The following ST8SIA1 variants were observed in gnomAD, a reference collection of about 807,000 sequenced individuals.
ST8SIA1 encodes the protein ST8 alpha-N-acetyl-neuraminide alpha-2,8-sialyltransferase 1, also known as alpha-N-acetylneuraminide alpha-2,8-sialyltransferase.
ST8SIA1 carries 16 observed loss-of-function variants against 35.9 expected under a neutral mutation model. The ratio of observed to expected loss-of-function variants is 0.45; its 90% CI spans 0.30 to 0.68. The LOEUF is 0.68. Ranked by LOEUF, ST8SIA1 falls within the 30% of genes least tolerant of loss-of-function variation. ST8SIA1 has a pLI of 0.09. For missense variants in ST8SIA1, 383 were observed against 453.6 expected (o/e 0.84, Z 1.41); for synonymous variants, 170 against 169.6 (o/e 1.00, Z -0.02).
rs866202299 is a variant in ST8SIA1, at chr12:22,234,273, G to T, written c.584+14733C>A. On this transcript the variant is annotated intron_variant, in intron 4 of 4. Coordinates refer to ENST00000396037, the MANE Select transcript of ST8SIA1 (RefSeq NM_003034.4). ...AAACTCTGTCTCAAAAAAAAAAAAA[G>T]ATATTATTTACTAACTATAAAGAAA... Among the ~76,000 whole-genome samples, 176 of 142,660 alleles carry T rather than the reference G, an allele frequency of 1.2e-3. 1 individual carries two copies. Among genetic ancestry groups the T allele is most frequent in the African/African-American group, 4.4e-3 (170 of 39,014 alleles). 93.6% of individuals were successfully genotyped at this position (142,660 alleles called of 152,430 possible).
At chr12:22,210,748 G>A (rs1865167798) in intron 4 of ST8SIA1, among the ~76,000 whole-genome samples, 1 of 152,218 alleles carries the variant, frequency 6.6e-6, no homozygotes, top group South Asian at 2.1e-4. Context: ...GTTAAATTAA[G>A]TTTAGTCTAA....
chr12:22,232,127 G>T (rs1158693053), intron 4 of ST8SIA1, among the ~76,000 whole-genome samples: 2 of 152,098 alleles, frequency 1.3e-5, no homozygotes, highest in Non-Finnish European at 2.9e-5. Context: ...GCTGGCAAGG[G>T]GGAAACGTGA....
chr12:22,311,984 T>C (rs1866454804), intron 1 of ST8SIA1, among the ~76,000 whole-genome samples: 1 of 152,158 alleles, frequency 6.6e-6, no homozygotes, highest in Non-Finnish European at 1.5e-5. Flanking sequence ...ACTTTTTCTC[T>C]GGTGCTCCTT....
chr12:22,202,426 G>T lies in ST8SIA1; in HGVS notation c.585-388C>A, dbSNP rs187456262. ...GGTGGTCTAACATAACCACAAGACT[G>T]GTTTCTTCATCTGCAAATCAAAGGA... On this transcript the variant is annotated intron_variant, in intron 4 of 4. Coordinates refer to ENST00000396037, the MANE Select transcript of ST8SIA1 (RefSeq NM_003034.4). Among the ~76,000 whole-genome samples, 3 of 152,234 alleles carry T rather than the reference G, an allele frequency of 2.0e-5. No individual in the cohort carries two copies. The East Asian group carries it at 5.8e-4, about 29-fold the overall frequency.
chr12:22,251,482 T>C (rs1865669023), intron 3 of ST8SIA1, among the ~76,000 whole-genome samples: 1 of 152,188 alleles, frequency 6.6e-6, no homozygotes, highest in Non-Finnish European at 1.5e-5. Context: ...TGACAATACA[T>C]TTTGGTGTAA....
chr12:22,307,403 C>T lies in ST8SIA1; in HGVS notation c.237-20110G>A, dbSNP rs1365797419. 5.3e-5 allele frequency among the ~76,000 whole-genome samples: 8 copies of T among 152,202 alleles called. No homozygotes were observed. In the East Asian group the frequency reaches 1.4e-3, roughly 26 times the overall value. ...GCCTAGTTGCTAACATTCTGCCAGC[C>T]GGGTGATAAGATGGTCTGAGGTCTC... On this transcript the variant is annotated intron_variant, in intron 1 of 4. Transcript: ENST00000396037.
intron 2 of ST8SIA1, among the ~76,000 whole-genome samples, chr12:22,258,423 G>T (rs182659458): frequency 1.2e-4 from 19 of 152,076 alleles, no homozygotes; most frequent in Admixed American, 4.6e-4. Context: ...CAGGAGACTG[G>T]ATGGTGAATG....
intron 2 of ST8SIA1, among the ~76,000 whole-genome samples, chr12:22,276,707 G>T (rs1865972972): frequency 6.6e-6 from 1 of 152,120 alleles, no homozygotes; most frequent in African/African-American, 2.4e-5. Context: ...TGAGCAGTAG[G>T]GATAGAAGGT....
chr12:22,208,135 C>CAAAAAA (rs71053390), intron 4 of ST8SIA1, among the ~76,000 whole-genome samples: 1 of 97,812 alleles, frequency 1.0e-5, no homozygotes, highest in Non-Finnish European at 2.1e-5. Flanking sequence ...GTCTGTCTCA[C>CAAAAAA]AAAAAAAAAA....
At chr12:22,293,739 A>G (rs1866209564) in intron 1 of ST8SIA1, among the ~76,000 whole-genome samples, 1 of 152,176 alleles carries the variant, frequency 6.6e-6, no homozygotes, top group African/African-American at 2.4e-5. Flanking sequence ...TCAGTTTATA[A>G]ATTTTTTCTG....
rs376794613 is a variant in ST8SIA1, at chr12:22,332,051, G to A, written c.236+1946C>T. The stretch of plus-strand genomic sequence containing the variant: ...TATACTAACTTGCCAAAGATTCTCT[G>A]CTGTTTATCTAGTCACAGCATACTC... On this transcript the variant is annotated intron_variant, in intron 1 of 4. Transcript: ENST00000396037. Among the ~76,000 whole-genome samples the A allele has an allele frequency of 1.4e-3, 212 of 152,282 alleles. 2 individuals carry two copies. Among genetic ancestry groups the A allele is most frequent in the African/African-American group, 5.0e-3 (208 of 41,560 alleles).
At chr12:22,286,023 G>A (rs1028234282) in intron 2 of ST8SIA1, among the ~76,000 whole-genome samples, 5 of 152,074 alleles carry the variant, frequency 3.3e-5, no homozygotes, top group Admixed American at 3.3e-4. Flanking sequence ...AATCATCCAA[G>A]GAATTTAGTT....
chr12:22,326,725 A>C (rs567197105), intron 1 of ST8SIA1, among the ~76,000 whole-genome samples: 24 of 152,338 alleles, frequency 1.6e-4, no homozygotes, highest in African/African-American at 5.3e-4. Context: ...AAACCTATGA[A>C]GTAGATTAGC....
intron 1 of ST8SIA1, among the ~76,000 whole-genome samples, chr12:22,307,091 G>GT (rs1866393912): frequency 6.6e-6 from 1 of 151,868 alleles, no homozygotes; most frequent in South Asian, 2.1e-4. Flanking sequence ...TGTTTTCTGT[G>GT]TTTTTTCTAA....
chr12:22,246,444 T>C (rs1865602948), intron 4 of ST8SIA1, among the ~76,000 whole-genome samples: 3 of 151,782 alleles, frequency 2.0e-5, no homozygotes, highest in Admixed American at 2.0e-4. Context: ...ATTTGAGATC[T>C]TCGATCTCAT....
chr12:22,260,882 T>G (rs906947260), intron 2 of ST8SIA1, among the ~76,000 whole-genome samples: 1 of 147,390 alleles, frequency 6.8e-6, no homozygotes, highest in Non-Finnish European at 1.5e-5. Flanking sequence ...TTGTTTTTTT[T>G]TTTTTTTTTT....
intron 4 of ST8SIA1, among the ~76,000 whole-genome samples, chr12:22,227,526 C>T (rs1277899370): frequency 6.6e-6 from 1 of 151,960 alleles, no homozygotes; most frequent in African/African-American, 2.4e-5. Context: ...TAGCCGAGAT[C>T]GTGCCATTGC....
intron 1 of ST8SIA1, among the ~76,000 whole-genome samples, chr12:22,311,511 A>G (rs983063785): frequency 6.6e-6 from 1 of 152,186 alleles, no homozygotes; most frequent in Non-Finnish European, 1.5e-5. Context: ...TGGCAAAATG[A>G]GGAAAATATA....
rs1349014089 is a variant in ST8SIA1, at chr12:22,247,791, AGGC to A, written c.584+1212_584+1214del. On this transcript the variant is annotated intron_variant, in intron 4 of 4. Transcript: ENST00000396037. ...GAATATAAATTAAAATATATGTGAC[AGGC>A]TAGAATAAAATATTTGATACAAAGA... Among the ~76,000 whole-genome samples, 3 of 152,240 alleles carry A rather than the reference AGGC, an allele frequency of 2.0e-5. No homozygotes were observed. In the East Asian group the frequency reaches 5.8e-4, roughly 29 times the overall value.
Sources: gnomAD v4.1 joint callset for allele counts (sites outside exome capture counted in the v4.1 genomes callset) on GRCh38, gnomAD v4.1.1 for gene constraint, MANE v1.5 for transcripts, NCBI Gene and HGNC (gene_info 2026-07-23, HGNC 2026-07-21) for gene names.